Variants in PGS1 observed in about 807,000 individuals in gnomAD.
The protein encoded by PGS1 is CDP-diacylglycerol--glycerol-3-phosphate 3-phosphatidyltransferase, mitochondrial.
A neutral mutation model predicts 58.3 loss-of-function variants in PGS1; 44 were observed. The observed-to-expected ratio is 0.75, with a 90% confidence interval of 0.59 to 0.97. The LOEUF is 0.97. PGS1 is among the 50% of genes least tolerant of loss of function. PGS1 has a pLI of 0.00. For missense variants in PGS1, 684 were observed against 731.1 expected (o/e 0.94, Z 0.74); for synonymous variants, 330 against 311.0 (o/e 1.06, Z -0.64).
Position 78,398,174 on chromosome 17 carries a change from G to A in PGS1, c.412-78G>A, listed in dbSNP as rs561966525. ...GGAGAAGATGACGAGGGCACTAGCC[G>A]ATGGGGCGATTTGTTTTTCTTTAAA... On this transcript the variant is annotated intron_variant, in intron 3 of 9. Coordinates refer to ENST00000262764, the MANE Select transcript of PGS1 (RefSeq NM_024419.5). 67 of 1,032,526 alleles carry A rather than the reference G, an allele frequency of 6.5e-5. No individual in the cohort carries two copies. In the African/African-American group the frequency reaches 7.8e-4, roughly 12 times the overall value. 64.0% of individuals were successfully genotyped at this position (1,032,526 alleles called of 1,614,324 possible).
At chr17:78,405,568 G>A (rs1453262827) in intron 7 of PGS1, among the ~76,000 whole-genome samples, 1 of 152,212 alleles carries the variant, frequency 6.6e-6, no homozygotes, top group African/African-American at 2.4e-5. Flanking sequence ...CCCAGGGGCA[G>A]CTCTCTAAGA....
intron 7 of PGS1, among the ~76,000 whole-genome samples, chr17:78,414,492 C>T (rs1029037067): frequency 2.6e-5 from 4 of 152,108 alleles, no homozygotes; most frequent in Admixed American, 6.5e-5. Flanking sequence ...GAGTGGGGTT[C>T]GAGGCCCTGA....
intron 8 of PGS1, among the ~76,000 whole-genome samples, chr17:78,415,433 C>T (rs1237059726): frequency 6.6e-6 from 1 of 152,156 alleles, no homozygotes; most frequent in African/African-American, 2.4e-5. Flanking sequence ...GAGTTCAAGA[C>T]CAGCCTGGCC....
At chr17:78,397,063 C>T (rs908739772) in intron 3 of PGS1, among the ~76,000 whole-genome samples, 7 of 152,242 alleles carry the variant, frequency 4.6e-5, no homozygotes, top group African/African-American at 1.7e-4. Context: ...GCCAGGGCTG[C>T]GGCCAGCCTT....
At chr17:78,390,062 T>TCCCCCCCCCCCCCCCCCCCCCCCCCCCCC (rs1555628316) in intron 1 of PGS1, among the ~76,000 whole-genome samples, 12 of 128,560 alleles carry the variant, frequency 9.3e-5, no homozygotes, top group Non-Finnish European at 1.8e-4. Flanking sequence ...TGTTGCCTGT[T>TCCCCCCCCCCCCCCCCCCCCCCCCCCCCC]CCCCCGCCCC....
chr17:78,388,000 T>C (rs2082535539), intron 1 of PGS1, among the ~76,000 whole-genome samples: 2 of 152,202 alleles, frequency 1.3e-5, no homozygotes, highest in South Asian at 2.1e-4. Context: ...TTATGCACCT[T>C]CCTTTTTTGG....
chr17:78,419,425 G>A, intron 8 of PGS1, 121 bp from the exon 9 acceptor site: 1 of 835,160 alleles, frequency 1.2e-6, no homozygotes. Flanking sequence ...CTCTGGGCCA[G>A]GTAGACATGG....
At chr17:78,390,062 T>TCCCCCCCCCCCCCCCCCCCCCCCCGCC (rs1555628316) in intron 1 of PGS1, among the ~76,000 whole-genome samples, 8 of 128,568 alleles carry the variant, frequency 6.2e-5, no homozygotes, top group Admixed American at 1.6e-4. Flanking sequence ...TGTTGCCTGT[T>TCCCCCCCCCCCCCCCCCCCCCCCCGCC]CCCCCGCCCC....
chr17:78,415,084 G>GCT lies in PGS1; in HGVS notation c.1551+59_1551+60dup, dbSNP rs1221585883. On this transcript the variant is annotated intron_variant, in intron 8 of 9. Transcript: ENST00000262764. ...GCTGAGGGTGTGGCTGGGGGCCCAG[G>GCT]CTCACCCGTGCTGTGGGGCTGCCCT... 1.9e-6 allele frequency: 3 copies of GCT among 1,593,886 alleles called. No individual in the cohort carries two copies. The African/African-American group carries it at 4.0e-5, about 21-fold the overall frequency.
rs56167842 is a variant in PGS1, at chr17:78,411,984, G to C, written c.1403-2895G>C. Among the ~76,000 whole-genome samples, 10 of 125,834 alleles carry C rather than the reference G, an allele frequency of 7.9e-5. No homozygotes were observed. The Admixed American group carries it at 1.1e-3, about 14-fold the overall frequency. The allele number at this position is 125,834 out of a possible 152,430, so 82.6% of individuals were successfully genotyped here. ...CTGGAGTGCAGTGGGGGTAATCTTAGCTCACTGCAGGCTTGACCTCTGTAA... is the reference window on the plus strand; with the variant it reads ...CTGGAGTGCAGTGGGGGTAATCTTACCTCACTGCAGGCTTGACCTCTGTAA... On this transcript the variant is annotated intron_variant, in intron 7 of 9. Transcript: ENST00000262764.
At chr17:78,389,891 T>C (rs545378931) in intron 1 of PGS1, among the ~76,000 whole-genome samples, 57 of 152,304 alleles carry the variant, frequency 3.7e-4, no homozygotes, top group African/African-American at 1.3e-3. Flanking sequence ...GCTAAGATTA[T>C]AGGCATGAGC....
chr17:78,396,257 G>A (rs1236227482), intron 2 of PGS1, 51 bp from the exon 3 acceptor site: 5 of 1,408,366 alleles, frequency 3.6e-6, no homozygotes, highest in Non-Finnish European at 5.0e-6. Context: ...TGTTTTCTTA[G>A]TGAACCATGA....
chr17:78,410,368 G>A (rs2084540248), intron 7 of PGS1, among the ~76,000 whole-genome samples: 1 of 151,740 alleles, frequency 6.6e-6, no homozygotes, highest in African/African-American at 2.4e-5. Context: ...GCCGGAGGTT[G>A]CAGTGAGCCA....
rs1192772050 is a variant in PGS1, at chr17:78,400,673, G to A, written c.702-4G>A. 9.3e-6 allele frequency: 15 copies of A among 1,613,440 alleles called. No individual in the cohort carries two copies. The Admixed American group carries it at 2.0e-4, about 22-fold the overall frequency. ...CTCCTCACCTGCATCTTCCCTCCCTGTAGTGCAAACCTGAGTGACTCCTAC... is the reference window on the plus strand; with the variant it reads ...CTCCTCACCTGCATCTTCCCTCCCTATAGTGCAAACCTGAGTGACTCCTAC... On this transcript the variant is annotated splice_polypyrimidine_tract_variant and splice_region_variant and intron_variant, in intron 5 of 9. Transcript: ENST00000262764. The surrounding 1 kb of genome is among the most constrained non-coding windows in gnomAD (Gnocchi z 4.4).
intron 8 of PGS1, 115 bp downstream of exon 8, chr17:78,415,142 CAG>C (rs1491465135): frequency 4.2e-6 from 5 of 1,177,120 alleles, no homozygotes; most frequent in Non-Finnish European, 6.0e-6. Flanking sequence ...GAGTGAGACT[CAG>C]AGCAGAGCAA....
chr17:78,399,245 G>GGAC (rs1473918497), intron 4 of PGS1, 103 bp from the exon 5 acceptor site: 1 of 841,382 alleles, frequency 1.2e-6, no homozygotes, highest in African/African-American at 1.7e-5. Flanking sequence ...TGATTCAGGT[G>GGAC]GACGGCACAG....
chr17:78,379,235 C>T (rs1408213770), intron 1 of PGS1, among the ~76,000 whole-genome samples: 1 of 152,132 alleles, frequency 6.6e-6, no homozygotes. Context: ...GGGTCTTTTC[C>T]TTAGGTAAGC....
At position 78,404,366 on chromosome 17, in the gene PGS1, C is replaced by A. The variant is rs529065553; in HGVS notation, c.1402+277C>A. Among the ~76,000 whole-genome samples, 25 of 150,718 alleles carry A rather than the reference C, an allele frequency of 1.7e-4. No homozygotes were observed. The South Asian group carries it at 4.0e-3, about 24-fold the overall frequency. On this transcript the variant is annotated intron_variant, in intron 7 of 9. Coordinates refer to ENST00000262764, the MANE Select transcript of PGS1 (RefSeq NM_024419.5). ...GCATGATCTCAGTTCACCGCAACCT[C>A]CACTTCCCGGTTCAAGCAGTCCTCC...
chr17:78,383,255 T>G (rs1435971961), intron 1 of PGS1, among the ~76,000 whole-genome samples: 1 of 151,892 alleles, frequency 6.6e-6, no homozygotes, highest in Non-Finnish European at 1.5e-5. Flanking sequence ...TCTTTCCTTT[T>G]TTTTTTTTTG....
Sources: gnomAD v4.1 joint callset for allele counts (sites outside exome capture counted in the v4.1 genomes callset) on GRCh38, gnomAD v4.1.1 for gene constraint, Gnocchi (gnomAD v3.1) non-coding constraint, MANE v1.5 for transcripts, NCBI Gene and HGNC (gene_info 2026-07-23, HGNC 2026-07-21) for gene names.